FNDC7: variants seen among roughly 807,000 people sequenced by gnomAD.
The protein encoded by FNDC7 is fibronectin type III domain-containing protein 7.
In FNDC7, 66 loss-of-function variants were observed where a neutral mutation model predicts 74.2. The observed-to-expected ratio is 0.89, with a 90% CI of 0.73 to 1.09. FNDC7 has a LOEUF of 1.09. FNDC7 is among the 50% of genes least tolerant of loss of function. The probability of loss-of-function intolerance (pLI) is 0.00; values close to 1 mark genes in which losing one functional copy is unlikely to be tolerated. For missense variants in FNDC7, 829 were observed against 893.4 expected (o/e 0.93, Z 0.92); for synonymous variants, 307 against 330.2 (o/e 0.93, Z 0.76).
intron 9 of FNDC7, among the ~76,000 whole-genome samples, chr1:108,732,275 C>T (rs1351871701): frequency 7.0e-6 from 1 of 142,676 alleles, no homozygotes; most frequent in African/African-American, 2.7e-5. Flanking sequence ...CGGAGAATGG[C>T]GTGAACCCGG....
intron 11 of FNDC7, among the ~76,000 whole-genome samples, chr1:108,740,757 T>C (rs1661625967): frequency 6.6e-6 from 1 of 152,176 alleles, no homozygotes; most frequent in Non-Finnish European, 1.5e-5. Flanking sequence ...TAATCCCTCA[T>C]AAAAGAAAAT....
rs760393920 is a variant in FNDC7, at chr1:108,733,374, T to C, written c.1982T>C (p.Leu661Pro). 6.2e-7 allele frequency: 1 copy of C among 1,614,148 alleles called. No individual in the cohort carries two copies. Among genetic ancestry groups the C allele is most frequent in the Non-Finnish European group, 8.5e-7 (1 of 1,180,024 alleles). ...SRGSANYSTD[L>P]YGSKGIFTCT... ...GGCTCTGCCAATTACAGCACTGACC[T>C]CTATGGCTCCAAAGGCATTTTCACG... The change falls in exon 10 of 13, where the codon CTC (leucine) becomes CCC (proline). Residue 661 changes from leucine to proline, a missense_variant. Coordinates refer to ENST00000370017, the MANE Select transcript of FNDC7 (RefSeq NM_001144937.3).
Position 108,742,536 on chromosome 1 carries a change from A to G in FNDC7, c.*649A>G, listed in dbSNP as rs1188791797. On this transcript the variant is annotated 3_prime_UTR_variant, in exon 13 of 13. Transcript: ENST00000370017. ...GAGCATCTGGGAAAGCAGAGCTGCC[A>G]GCCTGTTGCTAGAAGGGTTGCAGTT... 2 of 152,264 alleles carry G rather than the reference A, an allele frequency of 1.3e-5. No homozygotes were observed. Among genetic ancestry groups the G allele is most frequent in the Non-Finnish European group, 2.9e-5 (2 of 68,058 alleles). 9.4% of individuals were successfully genotyped at this position (152,264 alleles called of 1,614,324 possible).
intron 9 of FNDC7, among the ~76,000 whole-genome samples, chr1:108,731,219 G>C (rs1413378995): frequency 6.6e-6 from 1 of 152,164 alleles, no homozygotes; most frequent in Non-Finnish European, 1.5e-5. Context: ...ACAGAGTAAC[G>C]TAGCCTGGCA....
intron 6 of FNDC7, among the ~76,000 whole-genome samples, chr1:108,726,388 A>G (rs777171025): frequency 6.6e-6 from 1 of 152,254 alleles, no homozygotes; most frequent in Non-Finnish European, 1.5e-5. Context: ...CCAAGACGCT[A>G]CATGGTGTGG....
At chr1:108,733,839 G>A (rs1256150820) in intron 10 of FNDC7, among the ~76,000 whole-genome samples, 4 of 151,668 alleles carry the variant, frequency 2.6e-5, no homozygotes, top group East Asian at 3.9e-4. Context: ...TTGTAGAGAC[G>A]GGGCTTCAGC....
intron 9 of FNDC7, among the ~76,000 whole-genome samples, chr1:108,731,518 T>C (rs1409345065): frequency 6.6e-6 from 1 of 152,222 alleles, no homozygotes; most frequent in Non-Finnish European, 1.5e-5. Flanking sequence ...ACGGTTTTGA[T>C]AAAACTCTTG....
chr1:108,727,765 G>C (rs532518125), intron 6 of FNDC7, 43 bp from the exon 7 acceptor site: 1 of 1,604,808 alleles, frequency 6.2e-7, no homozygotes, highest in Admixed American at 1.7e-5. Context: ...CAGCTGCATT[G>C]CTCTTGATGG....
intron 10 of FNDC7, among the ~76,000 whole-genome samples, chr1:108,735,671 A>G (rs1661496112): frequency 6.6e-6 from 1 of 152,150 alleles, no homozygotes; most frequent in African/African-American, 2.4e-5. Context: ...TATTTTGTAC[A>G]TTTTTCATAC....
At chr1:108,715,459 T>A (rs1004586939) in intron 2 of FNDC7, among the ~76,000 whole-genome samples, 2 of 152,224 alleles carry the variant, frequency 1.3e-5, no homozygotes, top group African/African-American at 4.8e-5. Context: ...TAGGTGTTGA[T>A]CTCATTTCAT....
chr1:108,716,185 A>G (rs2101076086), intron 2 of FNDC7, among the ~76,000 whole-genome samples: 1 of 152,268 alleles, frequency 6.6e-6, no homozygotes, highest in Admixed American at 6.5e-5. Flanking sequence ...AGTTCATTCC[A>G]ATGAACAGAA....
At position 108,725,944 on chromosome 1, in the gene FNDC7, G is replaced by A. The variant is rs1292609917; in HGVS notation, c.1051G>A (p.Val351Ile). The change falls in exon 6 of 13, where the codon GTT (valine) becomes ATT (isoleucine). Residue 351 changes from valine (V) to isoleucine (I), a missense_variant. Physicochemically the swap from Val to Ile is conservative, Grantham distance 29 (BLOSUM62 3). Transcript: ENST00000370017. ...GTGTGGCTTCACTTATTTTATTAGTGTTTTTGTCTATAACAAGGCAGGGCA... is the reference window on the plus strand; with the variant it reads ...GTGTGGCTTCACTTATTTTATTAGTATTTTTGTCTATAACAAGGCAGGGCA... The part of the protein sequence containing the change: ...SECGFTYFIS[V>I]FVYNKAGQSP... The A allele has an allele frequency of 6.2e-7, 1 of 1,614,068 alleles. No homozygotes were observed. The highest frequency in any genetic ancestry group is 8.5e-7 in the Non-Finnish European group (1 of 1,179,990).
At position 108,728,798 on chromosome 1, in the gene FNDC7, G is replaced by C; in HGVS notation, c.1536G>C (p.Leu512Phe). The change falls in exon 8 of 13, where the codon TTG (leucine) becomes TTC (phenylalanine). Residue 512 changes from leucine to phenylalanine, a missense_variant. Physicochemically the swap from Leu to Phe is conservative, Grantham distance 22 (BLOSUM62 0). Transcript: ENST00000370017. ...STGESCTMRG[L>F]PCGSVFSVTA... The stretch of plus-strand genomic sequence containing the variant: ...GAGAGTCCTGCACCATGCGGGGCTT[G>C]CCCTGTGGCTCAGTGTTCTCTGTCA... 6.2e-7 allele frequency: 1 copy of C among 1,614,258 alleles called. No individual in the cohort carries two copies. The highest frequency in any genetic ancestry group is 8.5e-7 in the Non-Finnish European group (1 of 1,180,044).
chr1:108,713,187 T>C (rs973369162), intron 1 of FNDC7, among the ~76,000 whole-genome samples, 191 bp downstream of exon 1: 5 of 152,170 alleles, frequency 3.3e-5, no homozygotes, highest in Non-Finnish European at 7.3e-5. Context: ...GAAAACAAGA[T>C]TATCATTATA....
Position 108,737,510 on chromosome 1 carries a change from G to T in FNDC7, c.2156G>T (p.Ser719Ile). 1 of 1,591,938 alleles carries T rather than the reference G, an allele frequency of 6.3e-7. No homozygotes were observed. Among genetic ancestry groups the T allele is most frequent in the South Asian group, 1.2e-5 (1 of 86,302 alleles). Reference protein sequence around the residue: ...KKIYSVTCSGSTLGMVIYRGK... With the variant: ...KKIYSVTCSGITLGMVIYRGK... The stretch of plus-strand genomic sequence containing the variant: ...TTTATTACAGTAACTTGCTCTGGAA[G>T]TACACTTGGAATGGGTAAGTCATTT... The change falls in exon 11 of 13, where the codon AGT (serine) becomes ATT (isoleucine). Residue 719 changes from serine to isoleucine, a missense_variant. By Grantham distance (142) the Ser-to-Ile change is moderately radical. Transcript: ENST00000370017.
chr1:108,713,195 A>C (rs1391680121), intron 1 of FNDC7, among the ~76,000 whole-genome samples, 199 bp downstream of exon 1: 1 of 152,202 alleles, frequency 6.6e-6, no homozygotes. Flanking sequence ...GATTATCATT[A>C]TATTTTAAGA....
intron 2 of FNDC7, among the ~76,000 whole-genome samples, chr1:108,716,320 GGTGTGTGTGTGTGTGTGTGTGT>G (rs141850435): frequency 3.1e-5 from 3 of 95,694 alleles, no homozygotes; most frequent in African/African-American, 1.1e-4. Context: ...GCAGAAGAGA[GGTGTGTGTGTGTGTGTGTGTGT>G]GTGTGTGTGT....
At position 108,730,877 on chromosome 1, in the gene FNDC7, A is replaced by C; in HGVS notation, c.1828A>C (p.Ile610Leu). The stretch of plus-strand genomic sequence containing the variant: ...CAATTACACAGTGACATTAAAAGCA[A>C]TTAGTGCCACCGGGTTGACTGCAGA... Reference protein sequence around the residue: ...GINYTVTLKAISATGLTADCS... With the variant: ...GINYTVTLKALSATGLTADCS... Residue 610 changes from isoleucine (I) to leucine (L), a missense_variant, in exon 9 of 13, where the codon ATT (isoleucine) becomes CTT (leucine). Coordinates refer to ENST00000370017, the MANE Select transcript of FNDC7 (RefSeq NM_001144937.3). The C allele has an allele frequency of 6.2e-7, 1 of 1,613,902 alleles. No individual in the cohort carries two copies. Among genetic ancestry groups the C allele is most frequent in the Non-Finnish European group, 8.5e-7 (1 of 1,179,870 alleles).
intron 8 of FNDC7, among the ~76,000 whole-genome samples, chr1:108,729,936 T>C (rs1259263764): frequency 6.6e-6 from 1 of 152,222 alleles, no homozygotes; most frequent in Non-Finnish European, 1.5e-5. Context: ...ATGGCTGTGG[T>C]ATTTTAGACA....
Sources: allele counts gnomAD v4.1 joint callset (sites outside exome capture counted in the v4.1 genomes callset), GRCh38; gene constraint gnomAD v4.1.1; transcripts MANE v1.5; gene names NCBI Gene and HGNC (gene_info 2026-07-23, HGNC 2026-07-21).